KIAA0232: variants seen among roughly 807,000 people sequenced by gnomAD.
KIAA0232 encodes the protein KIAA0232, also known as uncharacterized protein KIAA0232.
In KIAA0232, 27 loss-of-function variants were observed where a neutral mutation model predicts 122.0. The observed-to-expected ratio is 0.22, with a 90% CI of 0.16 to 0.31. KIAA0232 has a LOEUF of 0.31. Among genes scored for constraint, KIAA0232 ranks in the 10% least tolerant of loss-of-function variants. The probability of loss-of-function intolerance (pLI) is 1.00; values close to 1 mark genes in which losing one functional copy is unlikely to be tolerated. For missense variants in KIAA0232, 1,551 were observed against 1,634.2 expected (o/e 0.95, Z 0.88); for synonymous variants, 613 against 587.6 (o/e 1.04, Z -0.63).
intron 3 of KIAA0232, among the ~76,000 whole-genome samples, chr4:6,838,293 A>G (rs976532525): frequency 2.0e-5 from 3 of 151,756 alleles, no homozygotes; most frequent in East Asian, 1.9e-4. Context: ...GGCTCAAGCA[A>G]TTCTCCCACC....
intron 6 of KIAA0232, among the ~76,000 whole-genome samples, chr4:6,859,814 A>C (rs1264819166): frequency 6.6e-6 from 1 of 152,210 alleles, no homozygotes; most frequent in African/African-American, 2.4e-5. Flanking sequence ...TGCCCTTTGC[A>C]ATCTGTTCTG....
At position 6,863,729 on chromosome 4, in the gene KIAA0232, T is replaced by C; in HGVS notation, c.3347T>C (p.Leu1116Pro). Residue 1116 changes from leucine to proline, a missense_variant, in exon 7 of 10, where the codon CTG (leucine) becomes CCG (proline). Physicochemically the swap from Leu to Pro is moderately conservative, Grantham distance 98. Transcript: ENST00000307659. ...TTTCGCCCAATTTCTGCATCCGAAC[T>C]GTCCCCAGGAGGAGGAAGCGAGTCA... ...THFRPISASE[L>P]SPGGGSESEF... is the part of the protein sequence containing the mutation. The C allele has an allele frequency of 1.2e-6, 2 of 1,614,232 alleles. No individual in the cohort carries two copies. Among genetic ancestry groups the C allele is most frequent in the Non-Finnish European group, 1.7e-6 (2 of 1,180,038 alleles).
rs768934202 is a variant in KIAA0232 at position 6,860,886 on chromosome 4, T to C, written c.519-15T>C. Reference sequence around the variant, plus strand: ...CTGCATACTCGTGTTTTGAAGTCTTTACTCTGTTTTTCAGGTACTATGAAG... The same window carrying C: ...CTGCATACTCGTGTTTTGAAGTCTTCACTCTGTTTTTCAGGTACTATGAAG... On this transcript the variant is annotated splice_polypyrimidine_tract_variant and intron_variant, in intron 6 of 9. Transcript: ENST00000307659. The C allele has an allele frequency of 1.9e-6, 3 of 1,604,506 alleles. No homozygotes were observed. Among genetic ancestry groups the C allele is most frequent in the Admixed American group, 3.4e-5 (2 of 58,678 alleles).
At chr4:6,820,561 G>C (rs1380464967) in intron 2 of KIAA0232, among the ~76,000 whole-genome samples, 2 of 152,036 alleles carry the variant, frequency 1.3e-5, no homozygotes, top group Non-Finnish European at 2.9e-5. Flanking sequence ...TTTCATACAA[G>C]AACTTAATAA....
rs1049440156 is a variant in KIAA0232 at position 6,855,366 on chromosome 4, G to A, written c.370-1798G>A. On this transcript the variant is annotated intron_variant, in intron 4 of 9. Transcript: ENST00000307659. The surrounding 1 kb of genome is among the most constrained non-coding windows in gnomAD (Gnocchi z 4.3). ...GCCTCCCAAAGTGCTGGGATTACAG[G>A]TGTGAGCCGCTGCGCCCAGCTGATT... Among the ~76,000 whole-genome samples the A allele has an allele frequency of 6.6e-6, 1 of 152,088 alleles. No homozygotes were observed. The highest frequency in any genetic ancestry group is 2.4e-5 in the African/African-American group (1 of 41,410).
chr4:6,838,727 CTTTT>C (rs749354748), intron 3 of KIAA0232, among the ~76,000 whole-genome samples: 4 of 108,238 alleles, frequency 3.7e-5, no homozygotes, highest in African/African-American at 3.6e-5. Context: ...TTCAAAGCAG[CTTTT>C]TTTTTTTTTT....
intron 1 of KIAA0232, among the ~76,000 whole-genome samples, chr4:6,785,129 G>T (rs1716560816): frequency 6.6e-6 from 1 of 152,018 alleles, no homozygotes; most frequent in Non-Finnish European, 1.5e-5. Context: ...AGTAGAGATG[G>T]GGCTTCACCG....
Position 6,864,066 on chromosome 4 carries a change from A to C in KIAA0232, c.3684A>C (p.Ala1228=). The C allele has an allele frequency of 6.2e-7, 1 of 1,614,246 alleles. No individual in the cohort carries two copies. The highest frequency in any genetic ancestry group is 8.5e-7 in the Non-Finnish European group (1 of 1,180,046). Residue 1228 remains alanine (A), a synonymous_variant, in exon 7 of 10, where the codon GCA becomes GCC. Coordinates refer to ENST00000307659, the MANE Select transcript of KIAA0232 (RefSeq NM_014743.3). ...AAATAGATTTAGAAAGCTCAGAAGC[A>C]AATTGTAAAATAATGGCACAATGCG... ...SLEIDLESSE[A]NCKIMAQCEE... is the part of the protein sequence containing the mutation.
intron 4 of KIAA0232, among the ~76,000 whole-genome samples, chr4:6,856,933 C>T (rs1720598254): frequency 2.0e-5 from 3 of 152,194 alleles, no homozygotes; most frequent in Non-Finnish European, 2.9e-5. Context: ...AATATGTTCA[C>T]ATTTTATCAC....
chr4:6,824,563 G>A lies in KIAA0232; in HGVS notation c.110G>A (p.Gly37Asp). Residue 37 changes from glycine (G) to aspartate (D), a missense_variant, in exon 3 of 10, where the codon GGT (glycine) becomes GAT (aspartate). By Grantham distance (94) the Gly-to-Asp change is moderately conservative. Coordinates refer to ENST00000307659, the MANE Select transcript of KIAA0232 (RefSeq NM_014743.3). Reference protein sequence around the residue: ...VSEMSLLHALGPVQTWLGQEL... With the variant: ...VSEMSLLHALDPVQTWLGQEL... ...GAAATGTCTCTGCTTCATGCTTTGG[G>A]TCCAGTGCAGACCTGGCTGGGACAA... 2 of 1,614,222 alleles carry A rather than the reference G, an allele frequency of 1.2e-6. No homozygotes were observed. Among genetic ancestry groups the A allele is most frequent in the Non-Finnish European group, 1.7e-6 (2 of 1,180,044 alleles).
intron 1 of KIAA0232, among the ~76,000 whole-genome samples, chr4:6,791,591 A>G (rs925440243): frequency 1.3e-5 from 2 of 151,924 alleles, no homozygotes; most frequent in African/African-American, 2.4e-5. Flanking sequence ...TGCCTCCCAA[A>G]ATGCTGGGAT....
intron 4 of KIAA0232, among the ~76,000 whole-genome samples, chr4:6,848,782 C>A (rs553884090): frequency 6.6e-6 from 1 of 152,184 alleles, no homozygotes; most frequent in Non-Finnish European, 1.5e-5. Flanking sequence ...TGTAAGGTGC[C>A]TGTCTGAATA....
rs1331410326 is a variant in KIAA0232 at position 6,862,393 on chromosome 4, A to T, written c.2011A>T (p.Asn671Tyr). 1 of 1,614,068 alleles carries T rather than the reference A, an allele frequency of 6.2e-7. No homozygotes were observed. The highest frequency in any genetic ancestry group is 1.3e-5 in the African/African-American group (1 of 74,926). The change falls in exon 7 of 10, where the codon AAT becomes TAT. Residue 671 changes from asparagine (N) to tyrosine (Y), a missense_variant. By Grantham distance (143) the Asn-to-Tyr change is moderately radical. Coordinates refer to ENST00000307659, the MANE Select transcript of KIAA0232 (RefSeq NM_014743.3). ...TTCTTTTGAAACACTCAACTTGGGA[A>T]ATGAAAATACAGATTCTAGTGCTAA... The part of the protein sequence containing the change: ...PFSFETLNLG[N>Y]ENTDSSANML...
chr4:6,861,047 C>G lies in KIAA0232; in HGVS notation c.665C>G (p.Pro222Arg). The part of the protein sequence containing the change: ...APPASTDTSS[P>R]KDCNSESEVT... ...CCAGCTAGCACAGATACTTCCTCTC[C>G]TAAGGACTGCAACAGTGAAAGTGAA... Residue 222 changes from proline to arginine, a missense_variant, in exon 7 of 10, where the codon CCT becomes CGT. Physicochemically the swap from Pro to Arg is moderately radical, Grantham distance 103. This residue lies in a region of KIAA0232 where 377 missense variants were observed against 381.7 expected (regional missense o/e 0.99). Transcript: ENST00000307659. 1.2e-6 allele frequency: 2 copies of G among 1,614,176 alleles called. No homozygotes were observed. Among genetic ancestry groups the G allele is most frequent in the Non-Finnish European group, 1.7e-6 (2 of 1,180,036 alleles).
intron 1 of KIAA0232, among the ~76,000 whole-genome samples, chr4:6,800,107 G>T (rs1717322708): frequency 8.6e-6 from 1 of 116,406 alleles, no homozygotes; most frequent in African/African-American, 3.3e-5. Context: ...GCCCCGGTTA[G>T]AGTGCAGTGG....
In KIAA0232 at chr4:6,883,371, TTTG is replaced by T. The variant is rs1454729268; in HGVS notation, c.*2411_*2413del. ...ACCAAATAAAAATTGTAAAAAACAG[TTTG>T]TTGTTTTTATTTCTCATAGCAAAGC... On this transcript the variant is annotated 3_prime_UTR_variant, in exon 10 of 10. Coordinates refer to ENST00000307659, the MANE Select transcript of KIAA0232 (RefSeq NM_014743.3). 1.3e-5 allele frequency: 2 copies of T among 152,506 alleles called. No homozygotes were observed. The highest frequency in any genetic ancestry group is 4.8e-5 in the African/African-American group (2 of 41,424). The allele number at this position is 152,506 out of a possible 1,614,324, so 9.4% of individuals were successfully genotyped here.
intron 2 of KIAA0232, among the ~76,000 whole-genome samples, chr4:6,822,683 T>TG (rs1718476794): frequency 6.6e-6 from 1 of 152,044 alleles, no homozygotes; most frequent in East Asian, 1.9e-4. Context: ...TATGTTAATT[T>TG]GGGGGGAAGC....
chr4:6,862,203 A>T lies in KIAA0232; in HGVS notation c.1821A>T (p.Gly607=). 6.2e-7 allele frequency: 1 copy of T among 1,614,044 alleles called. No homozygotes were observed. Among genetic ancestry groups the T allele is most frequent in the Non-Finnish European group, 8.5e-7 (1 of 1,179,978 alleles). Residue 607 remains glycine, a synonymous_variant, in exon 7 of 10, where the codon GGA becomes GGT. Coordinates refer to ENST00000307659, the MANE Select transcript of KIAA0232 (RefSeq NM_014743.3). ...SSGDADGESF[G]GDSPVRLSPI... is the part of the protein sequence containing the mutation. ...GTGATGCTGATGGGGAGAGTTTTGG[A>T]GGAGACTCTCCAGTTAGACTCTCTC...
chr4:6,792,409 C>T (rs1371416497), intron 1 of KIAA0232, among the ~76,000 whole-genome samples: 6 of 152,106 alleles, frequency 3.9e-5, no homozygotes, highest in African/African-American at 1.4e-4. Flanking sequence ...CAACAAGTTT[C>T]TAACTACTCT....
Sources: allele counts gnomAD v4.1 joint callset (sites outside exome capture counted in the v4.1 genomes callset), GRCh38; gene constraint gnomAD v4.1.1; regional missense constraint gnomAD v4.1.1; non-coding constraint Gnocchi (gnomAD v3.1); transcripts MANE v1.5; gene names NCBI Gene and HGNC (gene_info 2026-07-23, HGNC 2026-07-21).